Variants in CCDC122 observed in about 807,000 individuals in gnomAD.
CCDC122 encodes coiled-coil domain-containing protein 122.
Under a neutral mutation model 37.0 loss-of-function variants are expected in CCDC122, and 38 were observed. The observed-to-expected ratio is 1.03, with a 90% confidence interval of 0.79 to 1.35. The LOEUF (loss-of-function observed/expected upper bound fraction) is 1.35, where lower values mean the gene tolerates loss of function less well. Among genes scored for constraint, CCDC122 ranks in the 40% most tolerant of loss-of-function variants. The pLI, the probability that CCDC122 is intolerant of heterozygous loss-of-function variation, is 0.00. For synonymous variants in CCDC122, 83 were observed against 95.6 expected, an observed-to-expected ratio of 0.87 and a Z score of 0.77; for missense variants, 305 against 310.0, an observed-to-expected ratio of 0.98 and a Z score of 0.12.
intron 6 of CCDC122, among the ~76,000 whole-genome samples, chr13:43,849,499 C>G (rs959439028): frequency 6.6e-6 from 1 of 152,212 alleles, no homozygotes; most frequent in Admixed American, 6.5e-5. Flanking sequence ...TAGGGAACCT[C>G]AAGACCCAAG....
At chr13:43,874,610 C>T (rs1316317720) in intron 2 of CCDC122, 1 of 152,056 alleles carries the variant, frequency 6.6e-6, no homozygotes, top group African/African-American at 2.4e-5. Context: ...TCATAAAATT[C>T]ATGCTGTAAA....
chr13:43,827,382 T>A (rs1292271027), intron 3 of CCDC122, among the ~76,000 whole-genome samples: 1 of 152,248 alleles, frequency 6.6e-6, no homozygotes, highest in Non-Finnish European at 1.5e-5. Context: ...TATCATCTTA[T>A]GTCAATCAAA....
chr13:43,834,685 TGCA>T (rs1475484646), downstream of CCDC122, among the ~76,000 whole-genome samples: 3 of 152,216 alleles, frequency 2.0e-5, no homozygotes, highest in Non-Finnish European at 4.4e-5. Flanking sequence ...AAGACATTTA[TGCA>T]GCCAAAAGAT....
chr13:43,863,723 T>C (rs964793274), intron 4 of CCDC122, among the ~76,000 whole-genome samples: 4 of 151,822 alleles, frequency 2.6e-5, no homozygotes, highest in South Asian at 2.1e-4. Flanking sequence ...GTGGATATTA[T>C]AGTGGAAATT....
At chr13:43,867,792 G>A (rs993306864) in intron 4 of CCDC122, among the ~76,000 whole-genome samples, 14 of 152,100 alleles carry the variant, frequency 9.2e-5, no homozygotes, top group African/African-American at 2.9e-4. Context: ...CTGTATAGAT[G>A]TATTCTTTTC....
intron 6 of CCDC122, among the ~76,000 whole-genome samples, chr13:43,840,489 A>G (rs1428252878): frequency 4.6e-5 from 7 of 152,044 alleles, no homozygotes; most frequent in Non-Finnish European, 1.0e-4. Context: ...TTAACTCTTC[A>G]TTTAACATTA....
downstream of CCDC122, among the ~76,000 whole-genome samples, chr13:43,822,646 AACC>A (rs1285797654): frequency 6.6e-6 from 1 of 152,214 alleles, no homozygotes; most frequent in Non-Finnish European, 1.5e-5. Flanking sequence ...CTGGCACTCA[AACC>A]ACAATACAAA....
At chr13:43,823,394 G>A (rs766894168), downstream of CCDC122, among the ~76,000 whole-genome samples, 74 of 152,116 alleles carry the variant, frequency 4.9e-4, no homozygotes, top group Admixed American at 3.1e-3. Flanking sequence ...TCTGTGAGCT[G>A]CACTGCCTGG....
downstream of CCDC122, among the ~76,000 whole-genome samples, chr13:43,835,203 T>C (rs1015542235): frequency 2.6e-5 from 4 of 151,962 alleles, no homozygotes; most frequent in South Asian, 2.1e-4. Flanking sequence ...AGCAAACTAT[T>C]GCAAGGACAA....
chr13:43,852,847 A>C (rs1041704450), intron 6 of CCDC122, among the ~76,000 whole-genome samples: 1 of 152,044 alleles, frequency 6.6e-6, no homozygotes, highest in Non-Finnish European at 1.5e-5. Flanking sequence ...ATTTTTACAG[A>C]AAAGAAATTC....
intron 6 of CCDC122, chr13:43,856,192 A>T (rs1953901596): frequency 6.6e-6 from 1 of 152,182 alleles, no homozygotes; most frequent in Non-Finnish European, 1.5e-5. Context: ...AACAACACAC[A>T]CTGGAGGGTG....
chr13:43,867,862 A>G (rs1013950222), intron 4 of CCDC122, among the ~76,000 whole-genome samples: 1 of 152,168 alleles, frequency 6.6e-6, no homozygotes, highest in Non-Finnish European at 1.5e-5. Flanking sequence ...TGATAATACA[A>G]TTATTGTCAT....
chr13:43,833,820 CGAA>C (rs1408208607), downstream of CCDC122, among the ~76,000 whole-genome samples: 1 of 151,902 alleles, frequency 6.6e-6, no homozygotes, highest in Non-Finnish European at 1.5e-5. Context: ...AGAAAAAAAA[CGAA>C]GAAGAGGAGA....
At chr13:43,833,652 T>C (rs9567278), downstream of CCDC122, among the ~76,000 whole-genome samples, 3,621 of 152,208 alleles carry the variant, frequency 0.024, 110 homozygotes, top group East Asian at 0.14. Flanking sequence ...GACTAAACAA[T>C]TGCAGGTATA....
chr13:43,831,965 C>T (rs1191476076), downstream of CCDC122, among the ~76,000 whole-genome samples: 1 of 146,288 alleles, frequency 6.8e-6, no homozygotes, highest in African/African-American at 2.5e-5. Flanking sequence ...TTTGAAGCGG[C>T]CTATTCTTAG....
intron 1 of CCDC122, among the ~76,000 whole-genome samples, chr13:43,878,314 C>T (rs527402974): frequency 3.7e-4 from 57 of 152,148 alleles, no homozygotes; most frequent in South Asian, 8.3e-4. Context: ...AAACTCAGGG[C>T]AGAGTGCACC....
At chr13:43,876,713 C>G (rs1044963545) in intron 1 of CCDC122, among the ~76,000 whole-genome samples, 47 of 152,146 alleles carry the variant, frequency 3.1e-4, no homozygotes, top group African/African-American at 9.2e-4. Context: ...GCTTTCGTAA[C>G]TTAATATTGT....
chr13:43,852,131 G>C (rs1366418530), intron 6 of CCDC122, among the ~76,000 whole-genome samples: 2 of 152,022 alleles, frequency 1.3e-5, no homozygotes, highest in Non-Finnish European at 2.9e-5. Context: ...TTCTGAACTG[G>C]GCTGAAATGG....
At chr13:43,832,248 T>A (rs1214278461), downstream of CCDC122, among the ~76,000 whole-genome samples, 1 of 151,492 alleles carries the variant, frequency 6.6e-6, no homozygotes, top group African/African-American at 2.4e-5. Context: ...TTAGTAATCA[T>A]TAGCTTAGTT....
Sources: allele counts gnomAD v4.1 joint callset (sites outside exome capture counted in the v4.1 genomes callset), GRCh38; gene constraint gnomAD v4.1.1; transcripts MANE v1.5; gene names NCBI Gene and HGNC (gene_info 2026-07-23, HGNC 2026-07-21).